TNR: variants seen among roughly 807,000 people sequenced by gnomAD.
The protein encoded by TNR is tenascin-R.
Under a neutral mutation model 150.4 loss-of-function variants are expected in TNR, and 45 were observed. The observed-to-expected ratio is 0.30, with a 90% CI of 0.24 to 0.38. TNR has a LOEUF of 0.38. Ranked by LOEUF, TNR falls within the 10% of genes least tolerant of loss-of-function variation. The pLI is 1.00. For missense variants in TNR, 1,544 were observed against 1,759.1 expected (o/e 0.88, Z 2.19); for synonymous variants, 687 against 678.4 (o/e 1.01, Z -0.20).
chr1:175,336,697 C>G (rs1650269143), intron 19 of TNR, among the ~76,000 whole-genome samples: 1 of 152,172 alleles, frequency 6.6e-6, no homozygotes, highest in Non-Finnish European at 1.5e-5. Flanking sequence ...CACTGGTGCT[C>G]CCTGAAGGCT....
intron 9 of TNR, among the ~76,000 whole-genome samples, chr1:175,373,792 AG>A (rs1652236014): frequency 1.3e-5 from 2 of 152,210 alleles, no homozygotes; most frequent in African/African-American, 4.8e-5. Flanking sequence ...CTTTTCCCCC[AG>A]CCCCCTTATC....
chr1:175,493,721 G>A (rs191077348), intron 2 of TNR, among the ~76,000 whole-genome samples: 1 of 152,202 alleles, frequency 6.6e-6, no homozygotes, highest in African/African-American at 2.4e-5. Context: ...ACACTAAGGT[G>A]GGGGGTAGTG....
chr1:175,604,545 A>G (rs1571666919), intron 1 of TNR, among the ~76,000 whole-genome samples: 1 of 152,186 alleles, frequency 6.6e-6, no homozygotes, highest in Non-Finnish European at 1.5e-5. Flanking sequence ...GCCCGATGCT[A>G]TCTTGCTGCC....
At chr1:175,652,709 G>T (rs1032036544) in intron 1 of TNR, among the ~76,000 whole-genome samples, 3 of 152,192 alleles carry the variant, frequency 2.0e-5, no homozygotes, top group Non-Finnish European at 2.9e-5. Flanking sequence ...TTCCACCATG[G>T]TTGTAAGTTT....
Position 175,475,262 on chromosome 1 carries a change from C to A in TNR, c.-64+53007G>T, listed in dbSNP as rs947848434. 2.6e-5 allele frequency among the ~76,000 whole-genome samples: 4 copies of A among 152,164 alleles called. No homozygotes were observed. The East Asian group carries it at 5.8e-4, about 22-fold the overall frequency. On this transcript the variant is annotated intron_variant, in intron 2 of 22. Transcript: ENST00000367674. ...TCTCCTTGCTCCTAGCGTCATCTCC[C>A]CATTCTCTTACACCTTTCTGCCAAA... is the stretch of plus-strand genomic sequence containing the variant.
chr1:175,413,316 G>A (rs541389193), intron 2 of TNR, among the ~76,000 whole-genome samples: 7 of 152,328 alleles, frequency 4.6e-5, no homozygotes, highest in African/African-American at 9.6e-5. Flanking sequence ...ATGAGCCACC[G>A]CGCTCAGCCT....
intron 1 of TNR, among the ~76,000 whole-genome samples, chr1:175,581,185 A>T (rs1662335127): frequency 6.6e-6 from 1 of 152,112 alleles, no homozygotes; most frequent in Non-Finnish European, 1.5e-5. Flanking sequence ...TGTCAACTAG[A>T]ACTGAAAATG....
At chr1:175,611,263 G>T (rs954753775) in intron 1 of TNR, among the ~76,000 whole-genome samples, 4 of 151,992 alleles carry the variant, frequency 2.6e-5, no homozygotes, top group Non-Finnish European at 4.4e-5. Context: ...TGTCCACCCA[G>T]GTCCCTTCTC....
At chr1:175,594,008 ATC>A (rs1423226532) in intron 1 of TNR, among the ~76,000 whole-genome samples, 1 of 152,186 alleles carries the variant, frequency 6.6e-6, no homozygotes, top group Non-Finnish European at 1.5e-5. Flanking sequence ...CACAAGAGGA[ATC>A]TCTCTCTTTT....
intron 2 of TNR, among the ~76,000 whole-genome samples, chr1:175,457,675 G>A (rs1455886495): frequency 6.6e-6 from 1 of 152,204 alleles, no homozygotes; most frequent in African/African-American, 2.4e-5. Context: ...AGCTACTATT[G>A]ACATTGCACT....
At chr1:175,588,328 G>C (rs1389395663) in intron 1 of TNR, among the ~76,000 whole-genome samples, 1 of 152,102 alleles carries the variant, frequency 6.6e-6, no homozygotes, top group African/African-American at 2.4e-5. Flanking sequence ...GATATGAAAG[G>C]GTAAAAAAAT....
At chr1:175,579,392 T>C (rs1325137049) in intron 1 of TNR, among the ~76,000 whole-genome samples, 1 of 151,826 alleles carries the variant, frequency 6.6e-6, no homozygotes, top group Non-Finnish European at 1.5e-5. Context: ...CTGGTGAGCA[T>C]GGAGAGGGGC....
intron 2 of TNR, among the ~76,000 whole-genome samples, chr1:175,451,442 C>T (rs1656314103): frequency 6.9e-6 from 1 of 145,552 alleles, no homozygotes; most frequent in African/African-American, 2.6e-5. Flanking sequence ...CATTGTAAGG[C>T]ACCTGGTTAG....
intron 1 of TNR, among the ~76,000 whole-genome samples, chr1:175,617,053 G>A (rs1234303242): frequency 6.6e-6 from 1 of 152,126 alleles, no homozygotes; most frequent in Non-Finnish European, 1.5e-5. Flanking sequence ...CTCCCACTCT[G>A]CTTCTTCCTT....
At chr1:175,627,819 G>C (rs1029897997) in intron 1 of TNR, among the ~76,000 whole-genome samples, 7 of 152,082 alleles carry the variant, frequency 4.6e-5, no homozygotes, top group Admixed American at 6.6e-5. Context: ...CTATTGGAGA[G>C]AGCTCAAGAG....
chr1:175,723,905 T>C (rs928723286), intron 1 of TNR, among the ~76,000 whole-genome samples: 1 of 152,088 alleles, frequency 6.6e-6, no homozygotes, highest in Non-Finnish European at 1.5e-5. Flanking sequence ...TTTTCTTGGC[T>C]CCTAACAGGA....
intron 1 of TNR, among the ~76,000 whole-genome samples, chr1:175,542,640 A>G (rs888345452): frequency 3.9e-5 from 6 of 152,244 alleles, no homozygotes; most frequent in Admixed American, 2.0e-4. Context: ...AGATGCAAAC[A>G]TTGACAAGCA....
chr1:175,391,256 C>T (rs1653151782), intron 7 of TNR, 32 bp downstream of exon 7: 7 of 1,605,560 alleles, frequency 4.4e-6, no homozygotes, highest in Non-Finnish European at 5.9e-6. Flanking sequence ...ACCTAGTAGG[C>T]AGCTCTAGGG....
intron 2 of TNR, among the ~76,000 whole-genome samples, chr1:175,504,339 T>A (rs972123902): frequency 2.0e-5 from 3 of 152,108 alleles, no homozygotes; most frequent in Non-Finnish European, 4.4e-5. Context: ...ATCTGTTGTA[T>A]AGATGTGGAC....
Sources: allele counts gnomAD v4.1 joint callset (sites outside exome capture counted in the v4.1 genomes callset), GRCh38; gene constraint gnomAD v4.1.1; transcripts MANE v1.5; gene names NCBI Gene and HGNC (gene_info 2026-07-23, HGNC 2026-07-21).